RPS26: variants seen among roughly 807,000 people sequenced by gnomAD.
The protein encoded by RPS26 is small ribosomal subunit protein eS26.
A neutral mutation model predicts 14.7 loss-of-function variants in RPS26; 1 was observed. That is an observed-to-expected ratio of 0.07 (90% CI 0.02 to 0.32). The LOEUF (loss-of-function observed/expected upper bound fraction) is 0.32, where lower values mean the gene tolerates loss of function less well. Ranked by LOEUF, RPS26 falls within the 10% of genes least tolerant of loss-of-function variation. RPS26 has a pLI of 1.00. For synonymous variants in RPS26, 59 were observed against 53.1 expected, an observed-to-expected ratio of 1.11 and a Z score of -0.48; for missense variants, 63 against 157.7, an observed-to-expected ratio of 0.40 and a Z score of 3.22.
rs368863677 is a variant in RPS26, at chr12:56,042,179, C to T, written c.3+10C>T. The T allele has an allele frequency of 2.0e-5, 33 of 1,613,922 alleles. No individual in the cohort carries two copies. The African/African-American group carries it at 2.1e-4, about 10-fold the overall frequency. On this transcript the variant is annotated intron_variant, in intron 1 of 3. Coordinates refer to ENST00000646449, the MANE Select transcript of RPS26 (RefSeq NM_001029.5). ...CCGTGCCTCCAAGATGGTGAGTCTT[C>T]TTGCGTGGTGAGGGTGGGGGTTCGG... is the stretch of plus-strand genomic sequence containing the variant.
chr12:56,043,805 G>A (rs1438911937), intron 3 of RPS26, among the ~76,000 whole-genome samples: 1 of 148,540 alleles, frequency 6.7e-6, no homozygotes, highest in Non-Finnish European at 1.5e-5. Context: ...GTGAGACCTT[G>A]TCTCTTAAAA....
In RPS26 at chr12:56,042,629, G is replaced by T. The variant is rs766044690; in HGVS notation, c.181+27G>T. The T allele has an allele frequency of 1.9e-6, 3 of 1,587,690 alleles. No individual in the cohort carries two copies. The African/African-American group carries it at 4.0e-5, about 21-fold the overall frequency. On this transcript the variant is annotated intron_variant, in intron 2 of 3. Coordinates refer to ENST00000646449, the MANE Select transcript of RPS26 (RefSeq NM_001029.5). ...TAAGTGGGTCACCGGCGCGAACTGT[G>T]TGAGGATCCCAGTATCTTAAAGCCT...
At chr12:56,042,367 G>C in intron 1 of RPS26, 58 bp from the exon 2 acceptor site, 1 of 1,582,792 alleles carries the variant, frequency 6.3e-7, no homozygotes, top group Non-Finnish European at 8.7e-7. Context: ...TGGCCGGAAA[G>C]GGACTGAGGC....
rs1895934021 is a variant in RPS26, at chr12:56,044,332, A to ATTTAATT, written c.*182_*188dup. On this transcript the variant is annotated 3_prime_UTR_variant, in exon 4 of 4. Transcript: ENST00000646449. ...ATGGGGAAGAAAGCTTATTCATGTA[A>ATTTAATT]TTTAATTTTTTTCTTTTTTTTTTTT... 3 of 520,094 alleles carry ATTTAATT rather than the reference A, an allele frequency of 5.8e-6. No individual in the cohort carries two copies. The Admixed American group carries it at 1.1e-4, about 19-fold the overall frequency. 32.2% of individuals were successfully genotyped at this position (520,094 alleles called of 1,614,324 possible).
Position 56,042,405 on chromosome 12 carries a change from G to C in RPS26, c.4-20G>C. Reference sequence around the variant, plus strand: ...GGTGAGTTGCGCCGTTTTCCTAACAGTTTTCCCATCCTGTCGCAGACAAAG... The same window carrying C: ...GGTGAGTTGCGCCGTTTTCCTAACACTTTTCCCATCCTGTCGCAGACAAAG... On this transcript the variant is annotated intron_variant, in intron 1 of 3. Transcript: ENST00000646449. The C allele has an allele frequency of 6.2e-7, 1 of 1,613,668 alleles. No individual in the cohort carries two copies.
At position 56,043,284 on chromosome 12, in the gene RPS26, G is replaced by A. The variant is rs1011145139; in HGVS notation, c.182-79G>A. On this transcript the variant is annotated intron_variant, in intron 2 of 3. Coordinates refer to ENST00000646449, the MANE Select transcript of RPS26 (RefSeq NM_001029.5). ...GTTTAGTTTTAATTGACGTAAACAT[G>A]TAAGGTGCTCTTCATTCATGTAACA... The A allele has an allele frequency of 4.5e-6, 6 of 1,347,678 alleles. No individual in the cohort carries two copies. The African/African-American group carries it at 7.2e-5, about 16-fold the overall frequency. The allele number at this position is 1,347,678 out of a possible 1,614,324, so 83.5% of individuals were successfully genotyped here.
At chr12:56,043,276 G>T in intron 2 of RPS26, 87 bp from the exon 3 acceptor site, 1 of 1,299,758 alleles carries the variant, frequency 7.7e-7, no homozygotes, top group Admixed American at 1.7e-5. Context: ...TTTAATTGAC[G>T]TAAACATGTA....
chr12:56,044,040 A>G (rs1895930226), intron 3 of RPS26, 79 bp from the exon 4 acceptor site: 4 of 1,188,128 alleles, frequency 3.4e-6, no homozygotes, highest in Non-Finnish European at 5.0e-6. Flanking sequence ...TTGTGAGAGG[A>G]TGGTGGTCAA....
intron 3 of RPS26, among the ~76,000 whole-genome samples, chr12:56,043,745 A>C (rs1238633062): frequency 1.3e-5 from 2 of 151,878 alleles, no homozygotes; most frequent in Admixed American, 1.3e-4. Context: ...CAGGAGTTTG[A>C]GGTTGCAGTG....
intron 1 of RPS26, 69 bp downstream of exon 1, chr12:56,042,238 C>T: frequency 6.3e-7 from 1 of 1,594,964 alleles, no homozygotes; most frequent in Admixed American, 1.7e-5. Context: ...AAGTGAGAGC[C>T]TGGAGCACGG....
Position 56,044,327 on chromosome 12 carries a change from ATGTAATTTAAT to A in RPS26, c.*175_*185del, listed in dbSNP as rs1895933972. The A allele has an allele frequency of 1.9e-6, 1 of 534,828 alleles. No homozygotes were observed. The highest frequency in any genetic ancestry group is 2.0e-5 in the African/African-American group (1 of 49,574). 33.1% of individuals were successfully genotyped at this position (534,828 alleles called of 1,614,324 possible). A position where few individuals can be genotyped will look rare whatever the true frequency, so the allele number is the denominator to read the frequency against. On this transcript the variant is annotated 3_prime_UTR_variant, in exon 4 of 4. Transcript: ENST00000646449. ...TTTTCATGGGGAAGAAAGCTTATTC[ATGTAATTTAAT>A]TTTTTTCTTTTTTTTTTTTTTTTTT... is the stretch of plus-strand genomic sequence containing the variant.
At chr12:56,043,608 A>C in intron 3 of RPS26, 115 bp downstream of exon 3, 2 of 1,058,826 alleles carry the variant, frequency 1.9e-6, no homozygotes, top group South Asian at 2.6e-5. Flanking sequence ...TGGGACAAGA[A>C]GATTGCTAGA....
chr12:56,042,283 C>T (rs1895897383), intron 1 of RPS26, 114 bp downstream of exon 1: 1 of 1,530,000 alleles, frequency 6.5e-7, no homozygotes, highest in Non-Finnish European at 9.0e-7. Flanking sequence ...TTCATTTGCT[C>T]TGGGGGTCGG....
rs1183890536 is a variant in RPS26 at position 56,042,079 on chromosome 12, G to T, written c.-88G>T. ...CCGTTCTTGAAGCCCGTCTCCTAAG[G>T]ATTCTCCCGGTGTCCGCGTAGGGAT... is the stretch of plus-strand genomic sequence containing the variant. On this transcript the variant is annotated 5_prime_UTR_variant, in exon 1 of 4. Coordinates refer to ENST00000646449, the MANE Select transcript of RPS26 (RefSeq NM_001029.5). 3 of 1,377,254 alleles carry T rather than the reference G, an allele frequency of 2.2e-6. No individual in the cohort carries two copies. Among genetic ancestry groups the T allele is most frequent in the South Asian group, 1.2e-5 (1 of 85,876 alleles). 85.3% of individuals were successfully genotyped at this position (1,377,254 alleles called of 1,614,324 possible). A position where few individuals can be genotyped will look rare whatever the true frequency, so the allele number is the denominator to read the frequency against.
chr12:56,042,696 C>A, intron 2 of RPS26, 94 bp downstream of exon 2: 1 of 987,166 alleles, frequency 1.0e-6, no homozygotes, highest in Non-Finnish European at 1.6e-6. Context: ...TCTTTGGAGC[C>A]TCTCAGGCAA....
rs1378708141 is a variant in RPS26, at chr12:56,044,226, T to G, written c.*72T>G. ...AATAAAATGGAAATTGTACTTAATATTGCATGTTAAGTGTATCTGTGCCAG... is the reference window on the plus strand; with the variant it reads ...AATAAAATGGAAATTGTACTTAATAGTGCATGTTAAGTGTATCTGTGCCAG... On this transcript the variant is annotated 3_prime_UTR_variant, in exon 4 of 4. Coordinates refer to ENST00000646449, the MANE Select transcript of RPS26 (RefSeq NM_001029.5). 1.7e-6 allele frequency: 2 copies of G among 1,203,052 alleles called. No individual in the cohort carries two copies. The highest frequency in any genetic ancestry group is 1.7e-5 in the Admixed American group (1 of 58,954). 74.5% of individuals were successfully genotyped at this position (1,203,052 alleles called of 1,614,324 possible). A position where few individuals can be genotyped will look rare whatever the true frequency, so the allele number is the denominator to read the frequency against.
Position 56,042,542 on chromosome 12 carries a change from A to G in RPS26, c.121A>G (p.Ile41Val). 6.2e-7 allele frequency: 1 copy of G among 1,600,840 alleles called. No individual in the cohort carries two copies. Among genetic ancestry groups the G allele is most frequent in the Non-Finnish European group, 8.5e-7 (1 of 1,179,084 alleles). ...GGACAAGGCCATTAAGAAATTCGTC[A>G]TTCGAAACATAGTGGAGGCCGCAGC... Reference protein sequence around the residue: ...PKDKAIKKFVIRNIVEAAAVR... With the variant: ...PKDKAIKKFVVRNIVEAAAVR... Residue 41 changes from isoleucine to valine, a missense_variant, in exon 2 of 4, where the codon ATT becomes GTT. Transcript: ENST00000646449.
chr12:56,043,300 TCATG>T, intron 2 of RPS26, 59 bp from the exon 3 acceptor site: 1 of 1,470,524 alleles, frequency 6.8e-7, no homozygotes, highest in Non-Finnish European at 9.5e-7. Flanking sequence ...TGCTCTTCAT[TCATG>T]TAACAAAAAA....
chr12:56,042,366 A>G (rs1410219692), intron 1 of RPS26, 59 bp from the exon 2 acceptor site: 2 of 1,581,354 alleles, frequency 1.3e-6, no homozygotes, highest in African/African-American at 1.3e-5. Flanking sequence ...GTGGCCGGAA[A>G]GGGACTGAGG....
Sources: allele counts gnomAD v4.1 joint callset (sites outside exome capture counted in the v4.1 genomes callset), GRCh38; gene constraint gnomAD v4.1.1; transcripts MANE v1.5; gene names NCBI Gene and HGNC (gene_info 2026-07-23, HGNC 2026-07-21).